The following FAF1 variants were observed in gnomAD, a reference collection of about 807,000 sequenced individuals.
FAF1 encodes the protein Fas associated factor 1.
In FAF1, 25 loss-of-function variants were observed where a neutral mutation model predicts 92.5. That is an observed-to-expected ratio of 0.27 (90% CI 0.20 to 0.38). The LOEUF is 0.38. Ranked by LOEUF, FAF1 falls within the 10% of genes least tolerant of loss-of-function variation. The pLI is 1.00. For missense variants in FAF1, 636 were observed against 793.3 expected (o/e 0.80, Z 2.38); for synonymous variants, 234 against 273.2 (o/e 0.86, Z 1.42).
intron 5 of FAF1, among the ~76,000 whole-genome samples, chr1:50,741,795 G>C (rs1247833883): frequency 6.6e-6 from 1 of 152,160 alleles, no homozygotes. Flanking sequence ...CTACTTCTTG[G>C]GGGAAGATTG....
At chr1:50,870,713 G>C (rs1469254928) in intron 1 of FAF1, among the ~76,000 whole-genome samples, 1 of 152,138 alleles carries the variant, frequency 6.6e-6, no homozygotes, top group Admixed American at 6.5e-5. Flanking sequence ...AATAAATGTT[G>C]TATGTGTCCT....
At chr1:50,552,377 C>G (rs1194604227) in intron 13 of FAF1, among the ~76,000 whole-genome samples, 1 of 151,754 alleles carries the variant, frequency 6.6e-6, no homozygotes, top group African/African-American at 2.4e-5. Context: ...AGTGGCATAG[C>G]TAGAATTCCA....
intron 1 of FAF1, among the ~76,000 whole-genome samples, chr1:50,891,773 G>T (rs1486277891): frequency 6.6e-6 from 1 of 152,186 alleles, no homozygotes; most frequent in Non-Finnish European, 1.5e-5. Context: ...CCCCTACTGG[G>T]GCCTACCTCC....
intron 13 of FAF1, among the ~76,000 whole-genome samples, chr1:50,545,582 T>A (rs1407116010): frequency 6.6e-6 from 1 of 151,154 alleles, no homozygotes; most frequent in Non-Finnish European, 1.5e-5. Flanking sequence ...AAGCTATATT[T>A]TAAAAAAAAA....
At chr1:50,565,378 C>A (rs1029674354) in intron 13 of FAF1, among the ~76,000 whole-genome samples, 3 of 151,982 alleles carry the variant, frequency 2.0e-5, no homozygotes, top group African/African-American at 7.2e-5. Flanking sequence ...AATATCCTAT[C>A]ATACTTAATA....
intron 7 of FAF1, among the ~76,000 whole-genome samples, chr1:50,670,645 C>T (rs1655834699): frequency 6.6e-6 from 1 of 152,072 alleles, no homozygotes; most frequent in Admixed American, 6.6e-5. Context: ...TAGTCTGAGG[C>T]AGGGTGCCTG....
At chr1:50,840,007 C>G (rs560325052) in intron 2 of FAF1, among the ~76,000 whole-genome samples, 16 of 151,952 alleles carry the variant, frequency 1.1e-4, no homozygotes, top group Admixed American at 9.2e-4. Flanking sequence ...AAGGAATAAG[C>G]TTTTCAAAAC....
At chr1:50,689,450 G>A (rs974438380) in intron 7 of FAF1, among the ~76,000 whole-genome samples, 3 of 152,272 alleles carry the variant, frequency 2.0e-5, no homozygotes, top group East Asian at 3.9e-4. Flanking sequence ...CAGGCATGGT[G>A]GCAGGCACCT....
intron 1 of FAF1, among the ~76,000 whole-genome samples, chr1:50,863,696 A>G (rs183735346): frequency 6.6e-6 from 1 of 152,170 alleles, no homozygotes; most frequent in African/African-American, 2.4e-5. Flanking sequence ...CGGCTTTGCT[A>G]TCAGGATGAT....
chr1:50,915,006 T>A (rs769185612), intron 1 of FAF1, among the ~76,000 whole-genome samples: 6 of 152,220 alleles, frequency 3.9e-5, no homozygotes, highest in Non-Finnish European at 7.3e-5. Context: ...TTAAAACACA[T>A]CTGAACTTCT....
At chr1:50,751,152 A>T (rs866966240) in intron 4 of FAF1, among the ~76,000 whole-genome samples, 41 of 64,292 alleles carry the variant, frequency 6.4e-4, no homozygotes, top group African/African-American at 2.6e-3. Flanking sequence ...TTTCATGTTA[A>T]AAAAAAAAAA....
chr1:50,813,263 AT>A (rs1169043806), intron 2 of FAF1, among the ~76,000 whole-genome samples: 3 of 152,190 alleles, frequency 2.0e-5, no homozygotes, highest in Non-Finnish European at 4.4e-5. Flanking sequence ...AAAAAATTTC[AT>A]TTTTTAAATT....
intron 1 of FAF1, among the ~76,000 whole-genome samples, chr1:50,951,133 C>G (rs903930255): frequency 2.6e-5 from 4 of 152,204 alleles, no homozygotes; most frequent in Admixed American, 2.6e-4. Context: ...ACTCAGGAGG[C>G]TAAGGCAGGA....
chr1:50,874,928 C>G (rs1305534317), intron 1 of FAF1, among the ~76,000 whole-genome samples: 6 of 151,604 alleles, frequency 4.0e-5, no homozygotes, highest in Non-Finnish European at 8.8e-5. Context: ...GACCACCATG[C>G]CCAGCTAATC....
chr1:50,548,520 T>G (rs1649142997), intron 13 of FAF1, among the ~76,000 whole-genome samples: 1 of 152,236 alleles, frequency 6.6e-6, no homozygotes, highest in African/African-American at 2.4e-5. Context: ...CCTTTTTCTC[T>G]TCCAACTACT....
chr1:50,708,310 T>C (rs1481343920), intron 6 of FAF1, among the ~76,000 whole-genome samples: 1 of 152,044 alleles, frequency 6.6e-6, no homozygotes, highest in Non-Finnish European at 1.5e-5. Flanking sequence ...GTTCAGAATA[T>C]ATTTTAGAGG....
intron 4 of FAF1, among the ~76,000 whole-genome samples, chr1:50,758,382 T>C (rs1024070979): frequency 2.0e-5 from 3 of 152,234 alleles, no homozygotes; most frequent in African/African-American, 7.2e-5. Context: ...CAACAAAGAC[T>C]ACCTTCAAAT....
chr1:50,828,770 G>A (rs1244645317), intron 2 of FAF1, among the ~76,000 whole-genome samples: 1 of 151,990 alleles, frequency 6.6e-6, no homozygotes, highest in African/African-American at 2.4e-5. Context: ...TTTGAAAACA[G>A]GATCCAAAAG....
chr1:50,639,978 T>C (rs1015703127), intron 8 of FAF1, among the ~76,000 whole-genome samples: 1 of 151,926 alleles, frequency 6.6e-6, no homozygotes. Flanking sequence ...TTATTTGTTG[T>C]TATATGGTAC....
Sources: allele counts gnomAD v4.1 joint callset (sites outside exome capture counted in the v4.1 genomes callset), GRCh38; gene constraint gnomAD v4.1.1; transcripts MANE v1.5; gene names NCBI Gene and HGNC (gene_info 2026-07-23, HGNC 2026-07-21).